WWOX: variants seen among roughly 807,000 people sequenced by gnomAD.
WWOX encodes WW domain-containing oxidoreductase.
WWOX carries 69 observed loss-of-function variants against 46.2 expected under a neutral mutation model. The observed-to-expected ratio is 1.49, with a 90% CI of 1.23 to 1.82. The LOEUF (loss-of-function observed/expected upper bound fraction) is 1.82. WWOX is among the 40% of genes most tolerant of loss of function. WWOX has a pLI of 0.00. For missense variants in WWOX, 919 were observed against 542.6 expected (o/e 1.69, Z -6.89); for synonymous variants, 359 against 202.6 (o/e 1.77, Z -6.56).
chr16:78,825,943 C>G lies in WWOX; in HGVS notation c.1057-385665C>G, dbSNP rs1382627295. ...ATGAGGTAGTGCCCACCACTCCCAT[C>G]TCAGAACAGAAGGGTGGGAAGCCAG... On this transcript the variant is annotated intron_variant, in intron 8 of 8. Coordinates refer to ENST00000566780, the MANE Select transcript of WWOX (RefSeq NM_016373.4). 5 of 809,840 alleles carry G rather than the reference C, an allele frequency of 6.2e-6. 1 individual carries two copies. Among genetic ancestry groups the G allele is most frequent in the South Asian group, 5.9e-5 (3 of 50,600 alleles). The allele number at this position is 809,840 out of a possible 1,614,324, so 50.2% of individuals were successfully genotyped here. A position where few individuals can be genotyped will look rare whatever the true frequency, so the allele number is the denominator to read the frequency against.
At chr16:78,939,401 C>G (rs2045807367) in intron 8 of WWOX, among the ~76,000 whole-genome samples, 1 of 152,144 alleles carries the variant, frequency 6.6e-6, no homozygotes. Flanking sequence ...TTGTGCATTA[C>G]TTTTGATTCT....
chr16:78,827,263 A>G (rs1439594677), intron 8 of WWOX, among the ~76,000 whole-genome samples: 4 of 152,184 alleles, frequency 2.6e-5, no homozygotes, highest in African/African-American at 9.7e-5. Context: ...TCACTGTCCA[A>G]GTGCTGGGCT....
At chr16:78,457,870 C>T (rs7188977) in intron 8 of WWOX, among the ~76,000 whole-genome samples, 2,422 of 144,564 alleles carry the variant, frequency 0.017, 76 homozygotes, top group African/African-American at 0.061. Context: ...GAGCCAAGAT[C>T]GCCCTACTGC....
intron 6 of WWOX, among the ~76,000 whole-genome samples, chr16:78,404,888 C>A (rs2082491079): frequency 6.6e-6 from 1 of 152,204 alleles, no homozygotes; most frequent in African/African-American, 2.4e-5. Flanking sequence ...ACAACCAGAA[C>A]TGTAACACCA....
chr16:78,734,002 G>A (rs2049026189), intron 8 of WWOX, among the ~76,000 whole-genome samples: 1 of 151,986 alleles, frequency 6.6e-6, no homozygotes, highest in African/African-American at 2.4e-5. Context: ...CGAGGCTCCA[G>A]TGAGTCATGA....
chr16:78,516,768 A>G (rs2043244353), intron 8 of WWOX, among the ~76,000 whole-genome samples: 2 of 152,220 alleles, frequency 1.3e-5, no homozygotes, highest in Admixed American at 6.5e-5. Flanking sequence ...TTCCATTTAA[A>G]TAATTCAAAA....
At chr16:78,896,979 G>A (rs1239019894) in intron 8 of WWOX, 1 of 151,908 alleles carries the variant, frequency 6.6e-6, no homozygotes, top group South Asian at 2.1e-4. Context: ...TGTAATCGCA[G>A]CATGTTGGGA....
At chr16:78,956,416 A>C (rs560924264) in intron 8 of WWOX, among the ~76,000 whole-genome samples, 1 of 152,160 alleles carries the variant, frequency 6.6e-6, no homozygotes, top group South Asian at 2.1e-4. Flanking sequence ...CGGCCTCCCC[A>C]AGTGCTGGGA....
chr16:78,375,276 C>G (rs898074385), intron 5 of WWOX, among the ~76,000 whole-genome samples: 8 of 152,220 alleles, frequency 5.3e-5, no homozygotes, highest in African/African-American at 1.9e-4. Flanking sequence ...CGCAGTGTGG[C>G]CAACTTCCGA....
chr16:78,459,666 G>C (rs906161270), intron 8 of WWOX, among the ~76,000 whole-genome samples: 3 of 152,146 alleles, frequency 2.0e-5, no homozygotes, highest in African/African-American at 4.8e-5. Context: ...TTTGCCAATG[G>C]ATATTCTTGG....
At chr16:78,462,143 G>C (rs1334313658) in intron 8 of WWOX, among the ~76,000 whole-genome samples, 3 of 152,214 alleles carry the variant, frequency 2.0e-5, no homozygotes, top group African/African-American at 7.2e-5. Flanking sequence ...GAGTATTACA[G>C]TTGGAGTCAG....
intron 6 of WWOX, among the ~76,000 whole-genome samples, chr16:78,408,567 C>T (rs1487166026): frequency 6.6e-6 from 1 of 152,200 alleles, no homozygotes; most frequent in Admixed American, 6.5e-5. Context: ...GACTGTATCA[C>T]AGGGAACTTG....
intron 8 of WWOX, among the ~76,000 whole-genome samples, chr16:78,547,586 A>G (rs755866385): frequency 2.0e-5 from 3 of 152,186 alleles, no homozygotes; most frequent in Non-Finnish European, 4.4e-5. Flanking sequence ...ATCATAAACT[A>G]GGTGGCTTAT....
intron 8 of WWOX, among the ~76,000 whole-genome samples, chr16:79,050,588 G>A (rs1457350460): frequency 1.3e-5 from 2 of 152,194 alleles, no homozygotes; most frequent in East Asian, 1.9e-4. Context: ...AGAGAGGAGG[G>A]TGAAGAATGG....
intron 8 of WWOX, among the ~76,000 whole-genome samples, chr16:79,127,511 T>C (rs1254131326): frequency 6.6e-6 from 1 of 152,214 alleles, no homozygotes; most frequent in African/African-American, 2.4e-5. Context: ...ACCAATTCCC[T>C]ATTGATAGAC....
At chr16:79,092,897 A>G (rs371083262) in intron 8 of WWOX, among the ~76,000 whole-genome samples, 20 of 152,204 alleles carry the variant, frequency 1.3e-4, no homozygotes, top group African/African-American at 4.8e-4. Context: ...TTTCAACTAG[A>G]TAAGGCCCAT....
At chr16:79,001,538 A>G (rs962043129) in intron 8 of WWOX, among the ~76,000 whole-genome samples, 3 of 152,164 alleles carry the variant, frequency 2.0e-5, no homozygotes, top group African/African-American at 2.4e-5. Flanking sequence ...CATTTTGCCC[A>G]TAGAGATTAT....
intron 5 of WWOX, among the ~76,000 whole-genome samples, chr16:78,198,929 G>C (rs2036144100): frequency 6.6e-6 from 1 of 152,108 alleles, no homozygotes; most frequent in South Asian, 2.1e-4. Flanking sequence ...AGAAGAGGCT[G>C]TTTGTACCCT....
intron 6 of WWOX, among the ~76,000 whole-genome samples, chr16:78,405,491 A>G (rs912219789): frequency 6.6e-6 from 1 of 152,196 alleles, no homozygotes; most frequent in African/African-American, 2.4e-5. Context: ...TACTGATTTT[A>G]TATGTTGATG....
Sources: allele counts gnomAD v4.1 joint callset (sites outside exome capture counted in the v4.1 genomes callset), GRCh38; gene constraint gnomAD v4.1.1; transcripts MANE v1.5; gene names NCBI Gene and HGNC (gene_info 2026-07-23, HGNC 2026-07-21).